The following POLR2B variants were observed in gnomAD, a reference collection of about 807,000 sequenced individuals.
The protein encoded by POLR2B is RNA polymerase II subunit B.
Under a neutral mutation model 144.6 loss-of-function variants are expected in POLR2B, and 57 were observed. That is an observed-to-expected ratio of 0.39 (90% CI 0.32 to 0.49). POLR2B has a LOEUF of 0.49. Ranked by LOEUF, POLR2B falls within the 20% of genes least tolerant of loss-of-function variation. The pLI, the probability that POLR2B is intolerant of heterozygous loss-of-function variation, is 0.83. For synonymous variants in POLR2B, 442 were observed against 469.8 expected, an observed-to-expected ratio of 0.94 and a Z score of 0.77; for missense variants, 595 against 1,467.4, an observed-to-expected ratio of 0.41 and a Z score of 9.71.
chr4:57,005,478 A>G (rs1722987401), intron 8 of POLR2B, 36 bp downstream of exon 8: 1 of 1,503,190 alleles, frequency 6.7e-7, no homozygotes, highest in Non-Finnish European at 9.0e-7. Flanking sequence ...TTCTTTATCA[A>G]GATACAGTTG....
chr4:56,984,834 T>C (rs1237185410), intron 1 of POLR2B, among the ~76,000 whole-genome samples: 1 of 152,148 alleles, frequency 6.6e-6, no homozygotes, highest in Non-Finnish European at 1.5e-5. Context: ...CTTAAGAAGA[T>C]GGGACTAATA....
chr4:56,989,711 G>A (rs1021657794), intron 2 of POLR2B, among the ~76,000 whole-genome samples: 5 of 152,206 alleles, frequency 3.3e-5, no homozygotes, highest in African/African-American at 1.2e-4. Context: ...ACGTGGAGGT[G>A]TGGTGGGGCA....
chr4:57,020,234 A>G (rs1203400443), intron 16 of POLR2B, among the ~76,000 whole-genome samples: 3 of 152,040 alleles, frequency 2.0e-5, no homozygotes, highest in East Asian at 1.9e-4. Context: ...GGGTTTCACC[A>G]TGTTGGCCAG....
At chr4:56,999,086 G>C (rs142819466) in intron 6 of POLR2B, among the ~76,000 whole-genome samples, 6 of 152,236 alleles carry the variant, frequency 3.9e-5, no homozygotes, top group African/African-American at 1.4e-4. Context: ...AAAAGAAGCT[G>C]TGTGAAAGGG....
intron 3 of POLR2B, among the ~76,000 whole-genome samples, chr4:56,993,379 A>ACC (rs1272581683): frequency 1.3e-5 from 2 of 152,226 alleles, no homozygotes; most frequent in Non-Finnish European, 2.9e-5. Context: ...TATGATTAAG[A>ACC]TAATAATGAC....
chr4:57,021,030 C>T (rs373801172), intron 17 of POLR2B, 35 bp downstream of exon 17: 2 of 1,075,452 alleles, frequency 1.9e-6, no homozygotes, highest in Middle Eastern at 2.0e-4. Flanking sequence ...AACACAGATA[C>T]AGTGGAAACA....
rs756916783 is a variant in POLR2B at position 57,030,385 on chromosome 4, C to T, written c.3421C>T (p.Arg1141Cys). Residue 1141 changes from arginine (R) to cysteine (C), a missense_variant, in exon 24 of 25, where the codon CGC becomes TGC. Arg to Cys is a radical substitution (Grantham distance 180). Coordinates refer to ENST00000314595, the MANE Select transcript of POLR2B (RefSeq NM_000938.3). ...CCATACATATGAATGCAGGGGCTGCCGCAATAAAACCCAGGTGTGTATAGA... is the reference window on the plus strand; with the variant it reads ...CCATACATATGAATGCAGGGGCTGCTGCAATAAAACCCAGGTGTGTATAGA... The part of the protein sequence containing the change: ...RTHTYECRGC[R>C]NKTQISLVRM... 30 of 1,610,430 alleles carry T rather than the reference C, an allele frequency of 1.9e-5. No individual in the cohort carries two copies. Among genetic ancestry groups the T allele is most frequent in the Middle Eastern group, 1.6e-4 (1 of 6,066 alleles).
chr4:56,980,100 T>C (rs1722109979), intron 1 of POLR2B, among the ~76,000 whole-genome samples: 1 of 151,158 alleles, frequency 6.6e-6, no homozygotes, highest in Non-Finnish European at 1.5e-5. Flanking sequence ...TTTTTTTTTT[T>C]TTTTTTTAAG....
intron 16 of POLR2B, among the ~76,000 whole-genome samples, chr4:57,019,936 AT>A (rs774088962): frequency 3.3e-5 from 5 of 152,120 alleles, no homozygotes; most frequent in Non-Finnish European, 7.3e-5. Context: ...TGACCTTGAC[AT>A]TTGTGAAGAG....
intron 7 of POLR2B, among the ~76,000 whole-genome samples, chr4:57,004,141 C>T (rs1200775980): frequency 6.7e-6 from 1 of 150,118 alleles, no homozygotes; most frequent in Non-Finnish European, 1.5e-5. Context: ...ATTCTCCTGC[C>T]TCAGCCTCCC....
At chr4:56,989,053 A>G (rs1263294939) in intron 2 of POLR2B, among the ~76,000 whole-genome samples, 1 of 152,186 alleles carries the variant, frequency 6.6e-6, no homozygotes, top group Admixed American at 6.5e-5. Context: ...TTTTAATATC[A>G]AGTGATCTTG....
intron 1 of POLR2B, 107 bp from the exon 2 acceptor site, chr4:56,986,247 T>A (rs765005929): frequency 3.8e-6 from 3 of 781,364 alleles, no homozygotes; most frequent in Non-Finnish European, 2.3e-6. Flanking sequence ...AAAGCATTAC[T>A]TATTCAGCAG....
chr4:56,999,603 C>T lies in POLR2B; in HGVS notation c.736-14C>T. 2 of 1,574,608 alleles carry T rather than the reference C, an allele frequency of 1.3e-6. No individual in the cohort carries two copies. Among genetic ancestry groups the T allele is most frequent in the Non-Finnish European group, 1.7e-6 (2 of 1,157,774 alleles). ...TTTGTATATTCATGTTCTAATGATA[C>T]TTTATTTTTCTAGGGTGCCAAGAAG... is the stretch of plus-strand genomic sequence containing the variant. On this transcript the variant is annotated splice_polypyrimidine_tract_variant and intron_variant, in intron 6 of 24. Coordinates refer to ENST00000314595, the MANE Select transcript of POLR2B (RefSeq NM_000938.3).
At chr4:56,982,462 C>T (rs893227667) in intron 1 of POLR2B, among the ~76,000 whole-genome samples, 3 of 151,968 alleles carry the variant, frequency 2.0e-5, no homozygotes, top group African/African-American at 7.3e-5. Context: ...ATCCCAGCTC[C>T]TCGGGATACT....
chr4:57,026,254 A>G (rs1261769744), intron 23 of POLR2B, among the ~76,000 whole-genome samples: 1 of 151,578 alleles, frequency 6.6e-6, no homozygotes, highest in Admixed American at 6.6e-5. Flanking sequence ...AAAAACAAAA[A>G]ATTTTGTAGA....
intron 10 of POLR2B, among the ~76,000 whole-genome samples, chr4:57,008,654 G>A (rs531398287): frequency 1.3e-5 from 2 of 152,326 alleles, no homozygotes; most frequent in South Asian, 4.1e-4. Context: ...TATAATAAGA[G>A]ATGTGCACTG....
At chr4:57,029,067 GT>G (rs951000350) in intron 23 of POLR2B, among the ~76,000 whole-genome samples, 9 of 152,170 alleles carry the variant, frequency 5.9e-5, no homozygotes, top group Middle Eastern at 3.4e-3. Flanking sequence ...GTGCATTGCT[GT>G]TTTTTGTTTG....
chr4:57,010,920 T>C (rs748365792), intron 12 of POLR2B, 33 bp downstream of exon 12: 3 of 1,590,934 alleles, frequency 1.9e-6, no homozygotes, highest in Non-Finnish European at 2.6e-6. Context: ...TTTTAAACTA[T>C]AGTTAATCTT....
intron 6 of POLR2B, among the ~76,000 whole-genome samples, chr4:56,997,491 A>T (rs1722725111): frequency 6.6e-6 from 1 of 152,190 alleles, no homozygotes; most frequent in African/African-American, 2.4e-5. Context: ...TCCTGAGCTC[A>T]AGTGACCTGC....
Sources: gnomAD v4.1 joint callset for allele counts (sites outside exome capture counted in the v4.1 genomes callset) on GRCh38, gnomAD v4.1.1 for gene constraint, MANE v1.5 for transcripts, NCBI Gene and HGNC (gene_info 2026-07-23, HGNC 2026-07-21) for gene names.